Variants in SRL observed in about 807,000 individuals in gnomAD.
SRL encodes the protein sarcalumenin.
Under a neutral mutation model 39.5 loss-of-function variants are expected in SRL, and 23 were observed. That is an observed-to-expected ratio of 0.58 (90% CI 0.42 to 0.82). The LOEUF is 0.82. Ranked by LOEUF, SRL falls within the 40% of genes least tolerant of loss-of-function variation. The probability of loss-of-function intolerance (pLI) is 0.00; values close to 1 mark genes in which losing one functional copy is unlikely to be tolerated. For synonymous variants in SRL, 272 were observed against 237.4 expected (o/e 1.15, Z -1.34); for missense variants, 592 against 607.8 (o/e 0.97, Z 0.27).
At chr16:4,207,294 G>A (rs761026708) in intron 1 of SRL, 8 of 456,850 alleles carry the variant, frequency 1.8e-5, no homozygotes, top group African/African-American at 1.0e-4. Flanking sequence ...GTTCTCCTCA[G>A]TGTCCCCTGC....
intron 3 of SRL, among the ~76,000 whole-genome samples, chr16:4,201,116 A>ATT (rs3081044): frequency 0.65 from 95,078 of 146,628 alleles, 30,968 homozygotes; most frequent in East Asian, 0.8. Context: ...CAGGGTTCCA[A>ATT]TTTTTTTTTT....
chr16:4,197,777 A>G (rs924419296), intron 4 of SRL, 22 bp downstream of exon 4: 2 of 1,491,996 alleles, frequency 1.3e-6, no homozygotes, highest in Non-Finnish European at 1.9e-6. Flanking sequence ...AATCCCAACA[A>G]TCACACAAGA....
chr16:4,190,514 CT>C lies in SRL; in HGVS notation c.*1638del, dbSNP rs1208603053. ...TGCACATTTCACCATCCAAAGGCTG[CT>C]TCTTCCCTGCAGGTCCTGCCCCTCT... On this transcript the variant is annotated 3_prime_UTR_variant, in exon 6 of 6. Transcript: ENST00000399609. 6 of 398,786 alleles carry C rather than the reference CT, an allele frequency of 1.5e-5. No individual in the cohort carries two copies. The highest frequency in any genetic ancestry group is 2.7e-5 in the Non-Finnish European group (6 of 226,294). The allele number at this position is 398,786 out of a possible 1,614,324, so 24.7% of individuals were successfully genotyped here. A position where few individuals can be genotyped will look rare whatever the true frequency, so the allele number is the denominator to read the frequency against.
At position 4,192,258 on chromosome 16, in the gene SRL, A is replaced by C; in HGVS notation, c.1317T>G (p.Leu439=). ...EKIERAITQE[L]PGLLGSLGLG... Reference sequence around the variant, plus strand: ...GCCCGAGGCTACCCAGGAGGCCCGGAAGCTCCTGAGTGATGGCCCGCTCAA... The same window carrying C: ...GCCCGAGGCTACCCAGGAGGCCCGGCAGCTCCTGAGTGATGGCCCGCTCAA... The change falls in exon 6 of 6, where the codon CTT becomes CTG. Residue 439 remains leucine (L), a synonymous_variant. Transcript: ENST00000399609. The surrounding 1 kb of genome is among the most constrained non-coding windows in gnomAD (Gnocchi z 4.0). The C allele has an allele frequency of 6.2e-7, 1 of 1,613,964 alleles. No individual in the cohort carries two copies. The highest frequency in any genetic ancestry group is 1.3e-5 in the African/African-American group (1 of 75,038).
chr16:4,200,068 T>C (rs1482498800), intron 3 of SRL, among the ~76,000 whole-genome samples: 1 of 152,212 alleles, frequency 6.6e-6, no homozygotes, highest in Non-Finnish European at 1.5e-5. Flanking sequence ...CTGGTCTTCC[T>C]TCTCCGAGGC....
chr16:4,189,580 C>G lies in SRL; in HGVS notation c.*2573G>C, dbSNP rs552715607. 1 of 152,016 alleles carries G rather than the reference C, an allele frequency of 6.6e-6. No homozygotes were observed. The highest frequency in any genetic ancestry group is 2.1e-4 in the South Asian group (1 of 4,812). 9.4% of individuals were successfully genotyped at this position (152,016 alleles called of 1,614,324 possible). Reference sequence around the variant, plus strand: ...CCCCCTCCACGGAGCTGGCCAGAAACCAGACACTGAGTATCTGTACTGACT... The same window carrying G: ...CCCCCTCCACGGAGCTGGCCAGAAAGCAGACACTGAGTATCTGTACTGACT... On this transcript the variant is annotated 3_prime_UTR_variant, in exon 6 of 6. Coordinates refer to ENST00000399609, the MANE Select transcript of SRL (RefSeq NM_001098814.2).
chr16:4,224,191 T>A (rs1175919162), intron 1 of SRL, among the ~76,000 whole-genome samples: 1 of 151,916 alleles, frequency 6.6e-6, no homozygotes, highest in African/African-American at 2.4e-5. Flanking sequence ...GCCCAAGTGT[T>A]CTCCCCTAAT....
At chr16:4,235,238 C>T (rs2052703105) in intron 1 of SRL, among the ~76,000 whole-genome samples, 1 of 152,176 alleles carries the variant, frequency 6.6e-6, no homozygotes, top group Non-Finnish European at 1.5e-5. Flanking sequence ...AGAGCAAACT[C>T]GGGAGAGAAC....
chr16:4,233,271 A>T (rs556314097), intron 1 of SRL, among the ~76,000 whole-genome samples: 1 of 152,254 alleles, frequency 6.6e-6, no homozygotes, highest in South Asian at 2.1e-4. Context: ...CCGTGCTCTG[A>T]GCTTCCTCAC....
At chr16:4,197,102 T>G (rs2052159639) in intron 4 of SRL, among the ~76,000 whole-genome samples, 1 of 123,464 alleles carries the variant, frequency 8.1e-6, no homozygotes, top group South Asian at 2.9e-4. Context: ...AGAGTCTCAC[T>G]CTGTCGCCCA....
intron 1 of SRL, among the ~76,000 whole-genome samples, chr16:4,236,299 T>C (rs1022168001): frequency 2.6e-5 from 4 of 152,144 alleles, no homozygotes; most frequent in Admixed American, 2.0e-4. Flanking sequence ...TCCCTCAGCA[T>C]CTCTGTGATA....
In SRL at chr16:4,190,121, G is replaced by C; in HGVS notation, c.*2032C>G. The C allele has an allele frequency of 2.5e-6, 1 of 397,292 alleles. No homozygotes were observed. Among genetic ancestry groups the C allele is most frequent in the East Asian group, 3.6e-5 (1 of 28,052 alleles). The allele number at this position is 397,292 out of a possible 1,614,324, so 24.6% of individuals were successfully genotyped here. ...ATTGTCCTGAGTGCCCTGGAACCTC[G>C]GGTGTTCTTGTGGAAGGGTCCAGGC... is the stretch of plus-strand genomic sequence containing the variant. On this transcript the variant is annotated 3_prime_UTR_variant, in exon 6 of 6. Transcript: ENST00000399609.
At chr16:4,228,603 C>T (rs186032876) in intron 1 of SRL, among the ~76,000 whole-genome samples, 19 of 151,754 alleles carry the variant, frequency 1.3e-4, no homozygotes, top group Admixed American at 3.9e-4. Flanking sequence ...GGCGTGGTGG[C>T]GGGCACCTGT....
chr16:4,234,678 T>C (rs989086765), intron 1 of SRL, among the ~76,000 whole-genome samples: 1 of 152,202 alleles, frequency 6.6e-6, no homozygotes, highest in Non-Finnish European at 1.5e-5. Flanking sequence ...CTACTGAGGA[T>C]ACCCAGCTAG....
chr16:4,226,638 G>A (rs1039550414), intron 1 of SRL, among the ~76,000 whole-genome samples: 6 of 151,796 alleles, frequency 4.0e-5, no homozygotes, highest in African/African-American at 1.5e-4. Context: ...TGGGTAGATG[G>A]ATGGAAGGAA....
chr16:4,203,176 A>G lies in SRL; in HGVS notation c.249T>C (p.His83=), dbSNP rs752393107. ...QSYKYNELRQ[H]EITDGEITSK... is the part of the protein sequence containing the mutation. ...TATCTCAAGCCCTACCTGTGATCTC[A>G]TGCTGCCGGAGCTCATTGTACTTGT... Residue 83 remains histidine, a synonymous_variant, in exon 3 of 6, where the codon CAT becomes CAC. Coordinates refer to ENST00000399609, the MANE Select transcript of SRL (RefSeq NM_001098814.2). 2 of 1,613,468 alleles carry G rather than the reference A, an allele frequency of 1.2e-6. No homozygotes were observed. Among genetic ancestry groups the G allele is most frequent in the Non-Finnish European group, 8.5e-7 (1 of 1,179,390 alleles).
chr16:4,224,416 T>TA (rs1406189579), intron 1 of SRL, among the ~76,000 whole-genome samples: 1 of 152,000 alleles, frequency 6.6e-6, no homozygotes, highest in African/African-American at 2.4e-5. Flanking sequence ...AATTATAAGA[T>TA]AAAGTGAGGC....
At chr16:4,226,292 G>A (rs1332567034) in intron 1 of SRL, among the ~76,000 whole-genome samples, 2 of 152,210 alleles carry the variant, frequency 1.3e-5, no homozygotes, top group South Asian at 2.1e-4. Flanking sequence ...GTGGATGAAC[G>A]AATGGACAGC....
Position 4,221,467 on chromosome 16 carries a change from G to C in SRL, c.62-16833C>G, listed in dbSNP as rs75694878. ...GAAGGCTGAAGCCACAGCAGGGCTA[G>C]AGCAAGTGTACATTCCACACTCGCT... On this transcript the variant is annotated intron_variant, in intron 1 of 5. Transcript: ENST00000399609. Among the ~76,000 whole-genome samples, 472 of 152,308 alleles carry C rather than the reference G, an allele frequency of 3.1e-3. 15 individuals carry two copies. The East Asian group carries it at 0.067, about 21-fold the overall frequency.
Sources: allele counts gnomAD v4.1 joint callset (sites outside exome capture counted in the v4.1 genomes callset), GRCh38; gene constraint gnomAD v4.1.1; non-coding constraint Gnocchi (gnomAD v3.1); transcripts MANE v1.5; gene names NCBI Gene and HGNC (gene_info 2026-07-23, HGNC 2026-07-21).